The following APBB2 variants were observed in gnomAD, a reference collection of about 807,000 sequenced individuals.
APBB2 encodes amyloid beta precursor protein binding family B member 2, also known as Fe65-like 1.
Under a neutral mutation model 82.5 loss-of-function variants are expected in APBB2, and 38 were observed. That is an observed-to-expected ratio of 0.46 (90% CI 0.36 to 0.60). APBB2 has a LOEUF of 0.60. APBB2 is among the 20% of genes least tolerant of loss of function. The probability of loss-of-function intolerance (pLI) is 0.00; values close to 1 mark genes in which losing one functional copy is unlikely to be tolerated. For synonymous variants in APBB2, 341 were observed against 368.2 expected (o/e 0.93, Z 0.85); for missense variants, 772 against 972.3 (o/e 0.79, Z 2.74).
intron 1 of APBB2, among the ~76,000 whole-genome samples, chr4:41,187,698 A>T (rs1427284575): frequency 6.6e-6 from 1 of 152,248 alleles, no homozygotes; most frequent in Non-Finnish European, 1.5e-5. Flanking sequence ...ATAAACTGTT[A>T]AGTGCCAACC....
chr4:40,908,455 C>T lies in APBB2; in HGVS notation c.1255-15044G>A, dbSNP rs151233308. On this transcript the variant is annotated intron_variant, in intron 10 of 17. Coordinates refer to ENST00000508593, the MANE Select transcript of APBB2 (RefSeq NM_004307.2). ...ACCGCGCCTTGCTGCCTCCTAGGTG[C>T]GGCAACAATGCTGGCTTTCCTGACG... Among the ~76,000 whole-genome samples the T allele has an allele frequency of 6.8e-4, 103 of 152,268 alleles. No homozygotes were observed. In the Middle Eastern group the frequency reaches 0.02, roughly 30 times the overall value.
At chr4:41,159,609 T>C (rs972000645) in intron 1 of APBB2, among the ~76,000 whole-genome samples, 1 of 152,182 alleles carries the variant, frequency 6.6e-6, no homozygotes, top group Non-Finnish European at 1.5e-5. Context: ...TCCTATCTTG[T>C]TGATAAAATC....
chr4:41,026,379 T>C (rs944190048), intron 5 of APBB2, among the ~76,000 whole-genome samples: 1 of 152,240 alleles, frequency 6.6e-6, no homozygotes, highest in African/African-American at 2.4e-5. Context: ...TATTTTAAAG[T>C]ACACAATTCA....
intron 12 of APBB2, among the ~76,000 whole-genome samples, chr4:40,833,166 G>C (rs62303792): frequency 0.13 from 19,255 of 152,134 alleles, 1,294 homozygotes; most frequent in Non-Finnish European, 0.15. Flanking sequence ...CACGTCTCCC[G>C]GCACACAACT....
intron 7 of APBB2, among the ~76,000 whole-genome samples, chr4:40,937,579 C>T (rs930797268): frequency 3.3e-5 from 5 of 152,114 alleles, no homozygotes; most frequent in Non-Finnish European, 5.9e-5. Context: ...AAACTTAACA[C>T]GGGCACTCTT....
At chr4:41,197,811 C>T in intron 1 of APBB2, among the ~76,000 whole-genome samples, 17,622 of 152,144 alleles carry the variant, frequency 0.12, 1,272 homozygotes, top group South Asian at 0.19. Context: ...AACATGTAGA[C>T]GAATAAGTCT....
At chr4:41,168,341 G>C (rs1023912730) in intron 1 of APBB2, among the ~76,000 whole-genome samples, 1 of 150,530 alleles carries the variant, frequency 6.6e-6, no homozygotes, top group Non-Finnish European at 1.5e-5. Flanking sequence ...GAATAATTTT[G>C]TCTGTTGAAG....
rs145432509 is a variant in APBB2, at chr4:40,913,527, T to C, written c.1255-20116A>G. ...CCATCCCCATCATGTGCAGATTCCA[T>C]ATCTGCAAGTTCACCTACTTGCTAA... On this transcript the variant is annotated intron_variant, in intron 10 of 17. Transcript: ENST00000508593. Among the ~76,000 whole-genome samples the C allele has an allele frequency of 9.0e-4, 137 of 152,324 alleles. 2 individuals are homozygous for C. Among genetic ancestry groups the C allele is most frequent in the African/African-American group, 3.0e-3 (126 of 41,574 alleles).
rs576785824 is a variant in APBB2, at chr4:40,862,788, G to A, written c.1529+27576C>T. ...GCAGGAGAATCACTTGAACCTGTGCGGCAGAAGTTGCAGTGAGCCGAGATT... is the reference window on the plus strand; with the variant it reads ...GCAGGAGAATCACTTGAACCTGTGCAGCAGAAGTTGCAGTGAGCCGAGATT... On this transcript the variant is annotated intron_variant, in intron 12 of 17. Transcript: ENST00000508593. Among the ~76,000 whole-genome samples the A allele has an allele frequency of 2.6e-5, 4 of 151,842 alleles. No individual in the cohort carries two copies. In the East Asian group the frequency reaches 5.8e-4, roughly 22 times the overall value.
At chr4:40,915,840 G>A (rs1578406156) in intron 10 of APBB2, among the ~76,000 whole-genome samples, 1 of 152,164 alleles carries the variant, frequency 6.6e-6, no homozygotes, top group East Asian at 1.9e-4. Flanking sequence ...CCGGAACCCG[G>A]CCATCTCATT....
chr4:41,011,790 A>G (rs1382191799), intron 6 of APBB2, among the ~76,000 whole-genome samples: 1 of 152,108 alleles, frequency 6.6e-6, no homozygotes, highest in Non-Finnish European at 1.5e-5. Context: ...GGAAATAAAA[A>G]CATAAGGTAA....
intron 12 of APBB2, among the ~76,000 whole-genome samples, chr4:40,858,079 A>G (rs1560721299): frequency 6.6e-6 from 1 of 152,080 alleles, no homozygotes; most frequent in Non-Finnish European, 1.5e-5. Flanking sequence ...CCAAGATCCC[A>G]CAGGCACCCC....
intron 6 of APBB2, among the ~76,000 whole-genome samples, chr4:40,976,006 A>G (rs1043769574): frequency 2.6e-5 from 4 of 152,158 alleles, no homozygotes; most frequent in African/African-American, 9.7e-5. Flanking sequence ...GAAATATGGA[A>G]ATATTCAAAG....
intron 3 of APBB2, among the ~76,000 whole-genome samples, chr4:41,078,149 AAAAG>A (rs1579828943): frequency 6.6e-6 from 1 of 152,226 alleles, no homozygotes; most frequent in Non-Finnish European, 1.5e-5. Flanking sequence ...GAGGAAGAAT[AAAAG>A]AAAGATAAAC....
chr4:40,941,515 G>A (rs1365428505), intron 7 of APBB2, among the ~76,000 whole-genome samples: 2 of 152,236 alleles, frequency 1.3e-5, no homozygotes, highest in African/African-American at 4.8e-5. Flanking sequence ...ACTCTACCAT[G>A]TATTAGCTGT....
At chr4:40,878,518 C>T (rs4861324) in intron 12 of APBB2, among the ~76,000 whole-genome samples, 21,862 of 152,156 alleles carry the variant, frequency 0.14, 1,919 homozygotes, top group Non-Finnish European at 0.21. Context: ...TCCACTGTGT[C>T]CCTGCCATGC....
chr4:40,880,427 G>T, intron 12 of APBB2: 1 of 985,418 alleles, frequency 1.0e-6, no homozygotes, highest in Non-Finnish European at 1.2e-6. Flanking sequence ...AGTGGTGACT[G>T]CACCTTCCTT....
chr4:40,985,719 C>G lies in APBB2; in HGVS notation c.835+27864G>C, dbSNP rs374557009. ...GAAATTAAAATAGTATTTTTTTATTCTGTTGCAATTTCACCACACCAACTC... is the reference window on the plus strand; with the variant it reads ...GAAATTAAAATAGTATTTTTTTATTGTGTTGCAATTTCACCACACCAACTC... On this transcript the variant is annotated intron_variant, in intron 6 of 17. Coordinates refer to ENST00000508593, the MANE Select transcript of APBB2 (RefSeq NM_004307.2). 3.9e-5 allele frequency among the ~76,000 whole-genome samples: 6 copies of G among 152,072 alleles called. No individual in the cohort carries two copies. The South Asian group carries it at 1.2e-3, about 31-fold the overall frequency.
Position 41,014,021 on chromosome 4 carries a change from C to T in APBB2, c.397G>A (p.Glu133Lys). The part of the protein sequence containing the change: ...SPTAVINITS[E>K]KLEGKEPHPQ... The stretch of plus-strand genomic sequence containing the variant: ...TGGGGCTCTTTACCCTCTAACTTCT[C>T]AGAAGTTATGTTGATGACTGCAGTG... The change falls in exon 6 of 18, where the codon GAG becomes AAG. Residue 133 changes from glutamate (E) to lysine (K), a missense_variant. Coordinates refer to ENST00000508593, the MANE Select transcript of APBB2 (RefSeq NM_004307.2). The T allele has an allele frequency of 6.2e-7, 1 of 1,614,118 alleles. No homozygotes were observed.
Sources: allele counts gnomAD v4.1 joint callset (sites outside exome capture counted in the v4.1 genomes callset), GRCh38; gene constraint gnomAD v4.1.1; transcripts MANE v1.5; gene names NCBI Gene and HGNC (gene_info 2026-07-23, HGNC 2026-07-21).